LPA: variants seen among roughly 807,000 people sequenced by gnomAD.
LPA encodes the protein lipoprotein(a).
A neutral mutation model predicts 197.9 loss-of-function variants in LPA; 199 were observed. That is an observed-to-expected ratio of 1.01 (90% confidence interval 0.90 to 1.13). LPA has a LOEUF of 1.13. Ranked by LOEUF, LPA falls within the 50% of genes most tolerant of loss-of-function variation. The pLI, the probability that LPA is intolerant of heterozygous loss-of-function variation, is 0.00. For synonymous variants in LPA, 715 were observed against 639.5 expected (o/e 1.12, Z -1.78); for missense variants, 1,853 against 1,785.8 (o/e 1.04, Z -0.68).
intron 37 of LPA, 130 bp from the exon 38 acceptor site, chr6:160,532,779 C>T (rs1777826840): frequency 1.4e-6 from 1 of 730,648 alleles, no homozygotes; most frequent in Non-Finnish European, 2.5e-6. Context: ...AGGCAGCTCC[C>T]AATGCCACTG....
At chr6:160,597,425 C>A (rs952970753) in intron 20 of LPA, among the ~76,000 whole-genome samples, 1 of 152,128 alleles carries the variant, frequency 6.6e-6, no homozygotes, top group Admixed American at 6.6e-5. Flanking sequence ...CTCTATGTTT[C>A]AATGCTCGTG....
chr6:160,558,837 G>A (rs1456464669), intron 28 of LPA, among the ~76,000 whole-genome samples: 1 of 152,162 alleles, frequency 6.6e-6, no homozygotes, highest in Non-Finnish European at 1.5e-5. Flanking sequence ...AGAATCCTCA[G>A]ATTACTAACC....
intron 17 of LPA, 73 bp downstream of exon 17, chr6:160,606,404 G>C: frequency 1.3e-6 from 2 of 1,565,840 alleles, no homozygotes; most frequent in Non-Finnish European, 1.8e-6. Context: ...GGAGGCTGCT[G>C]CATCAGTGGG....
chr6:160,559,079 A>AT (rs1168019337), intron 28 of LPA, among the ~76,000 whole-genome samples: 1 of 152,096 alleles, frequency 6.6e-6, no homozygotes, highest in African/African-American at 2.4e-5. Context: ...TTTTTTGATG[A>AT]TTTTGGATCA....
chr6:160,611,007 T>G (rs1779495341), intron 16 of LPA, among the ~76,000 whole-genome samples: 1 of 152,146 alleles, frequency 6.6e-6, no homozygotes, highest in Admixed American at 6.5e-5. Context: ...CTGTGCTGAC[T>G]CTCATCTGCC....
chr6:160,657,925 T>C (rs959229067), intron 1 of LPA, among the ~76,000 whole-genome samples: 3 of 152,196 alleles, frequency 2.0e-5, no homozygotes, highest in African/African-American at 7.2e-5. Flanking sequence ...GGTCACACTC[T>C]GAACCTCACC....
chr6:160,583,003 C>CTT (rs201388738), intron 26 of LPA, among the ~76,000 whole-genome samples: 3 of 151,658 alleles, frequency 2.0e-5, no homozygotes, highest in Non-Finnish European at 4.4e-5. Context: ...AAAGAGATGT[C>CTT]TTTTTTTTCA....
rs149209113 is a variant in LPA at position 160,554,947 on chromosome 6, C to T, written c.4973+1078G>A. 3.1e-3 allele frequency among the ~76,000 whole-genome samples: 471 copies of T among 152,200 alleles called. 1 individual carries two copies. Among genetic ancestry groups the T allele is most frequent in the African/African-American group, 5.9e-3 (245 of 41,514 alleles). ...TCCAGGAAGAAAGTCATAATAGTTACGGAGTTGCGCTCATTCATTTCCTTT... is the reference window on the plus strand; with the variant it reads ...TCCAGGAAGAAAGTCATAATAGTTATGGAGTTGCGCTCATTCATTTCCTTT... On this transcript the variant is annotated intron_variant, in intron 30 of 38. Transcript: ENST00000316300.
At chr6:160,558,230 T>A (rs1245494436) in intron 28 of LPA, among the ~76,000 whole-genome samples, 2 of 152,096 alleles carry the variant, frequency 1.3e-5, no homozygotes, top group Non-Finnish European at 2.9e-5. Context: ...TAGATTTTTT[T>A]AATGCACATA....
chr6:160,565,320 G>A (rs1366498245), intron 28 of LPA, among the ~76,000 whole-genome samples: 1 of 152,192 alleles, frequency 6.6e-6, no homozygotes, highest in Admixed American at 6.5e-5. Flanking sequence ...CCTCTGAGAT[G>A]AAGCTTCCAG....
chr6:160,593,099 A>G (rs1779060994), intron 22 of LPA, among the ~76,000 whole-genome samples: 1 of 152,160 alleles, frequency 6.6e-6, no homozygotes, highest in Non-Finnish European at 1.5e-5. Context: ...TCTCATTCTT[A>G]GCCAGCCTAG....
At chr6:160,605,859 T>C (rs1413878681) in intron 17 of LPA, among the ~76,000 whole-genome samples, 2 of 152,164 alleles carry the variant, frequency 1.3e-5, no homozygotes, top group African/African-American at 4.8e-5. Context: ...TCTCCGACTC[T>C]TTCTATCCAG....
At chr6:160,560,996 AC>A (rs1426418041) in intron 28 of LPA, among the ~76,000 whole-genome samples, 2 of 151,772 alleles carry the variant, frequency 1.3e-5, no homozygotes, top group Non-Finnish European at 2.9e-5. Context: ...TGCAAGCTCA[AC>A]CTCCTCAGCT....
intron 32 of LPA, among the ~76,000 whole-genome samples, chr6:160,547,000 G>T (rs1778082392): frequency 6.6e-6 from 1 of 152,186 alleles, no homozygotes; most frequent in Non-Finnish European, 1.5e-5. Flanking sequence ...AGAGCAGTGT[G>T]GTTCCCCAAC....
chr6:160,581,596 A>G (rs1778802946), intron 26 of LPA, among the ~76,000 whole-genome samples: 1 of 152,194 alleles, frequency 6.6e-6, no homozygotes. Flanking sequence ...GTCCCAGCCA[A>G]TACCACATGT....
rs6930342 is a variant in LPA, at chr6:160,604,410, T to A, written c.2945+636A>T. 5.6e-4 allele frequency among the ~76,000 whole-genome samples: 85 copies of A among 152,028 alleles called. 2 individuals are homozygous for A. In the East Asian group the frequency reaches 0.011, roughly 20 times the overall value. Reference sequence around the variant, plus strand: ...CATGTCTTTGGTGTCACTTATGGCCTAAAGCCTGGCCATGGGCTGGTCAGA... The same window carrying A: ...CATGTCTTTGGTGTCACTTATGGCCAAAAGCCTGGCCATGGGCTGGTCAGA... On this transcript the variant is annotated intron_variant, in intron 18 of 38. Coordinates refer to ENST00000316300, the MANE Select transcript of LPA (RefSeq NM_005577.4).
intron 19 of LPA, 64 bp downstream of exon 19, chr6:160,600,853 T>C (rs1779224333): frequency 6.4e-7 from 1 of 1,555,024 alleles, no homozygotes; most frequent in Admixed American, 1.7e-5. Flanking sequence ...TGTGCGTCAG[T>C]GGGGGTATCC....
chr6:160,595,400 A>G lies in LPA; in HGVS notation c.3423T>C (p.Thr1141=). 2 of 1,613,528 alleles carry G rather than the reference A, an allele frequency of 1.2e-6. No homozygotes were observed. The highest frequency in any genetic ancestry group is 1.7e-6 in the Non-Finnish European group (2 of 1,179,856). ...TGCTTGGATCTGGGACCACCGTGAG[A>G]GTTGCAAGGACACTTGATTCTGTCA... ...CLVTESSVLA[T]LTVVPDPSTE... is the part of the protein sequence containing the mutation. Residue 1141 remains threonine, a synonymous_variant, in exon 21 of 39, where the codon ACT becomes ACC. Transcript: ENST00000316300.
At chr6:160,595,974 T>C (rs1272559222) in intron 20 of LPA, among the ~76,000 whole-genome samples, 1 of 152,224 alleles carries the variant, frequency 6.6e-6, no homozygotes, top group Non-Finnish European at 1.5e-5. Context: ...GTCTTGTAGA[T>C]TGTTTTATGC....
Sources: gnomAD v4.1 joint callset for allele counts (sites outside exome capture counted in the v4.1 genomes callset) on GRCh38, gnomAD v4.1.1 for gene constraint, MANE v1.5 for transcripts, NCBI Gene and HGNC (gene_info 2026-07-23, HGNC 2026-07-21) for gene names.